NCAM2: variants seen among roughly 807,000 people sequenced by gnomAD.
NCAM2 encodes N-CAM-2.
Under a neutral mutation model 98.1 loss-of-function variants are expected in NCAM2, and 30 were observed. That is an observed-to-expected ratio of 0.31 (90% CI 0.23 to 0.41). The LOEUF (loss-of-function observed/expected upper bound fraction) is 0.41. Among genes scored for constraint, NCAM2 ranks in the 10% least tolerant of loss-of-function variants. The pLI, the probability that NCAM2 is intolerant of heterozygous loss-of-function variation, is 1.00. For missense variants in NCAM2, 867 were observed against 1,005.8 expected (o/e 0.86, Z 1.87); for synonymous variants, 368 against 342.4 (o/e 1.07, Z -0.83).
intron 1 of NCAM2, among the ~76,000 whole-genome samples, chr21:21,184,550 T>TA (rs765460728): frequency 2.6e-5 from 4 of 152,112 alleles, no homozygotes; most frequent in Non-Finnish European, 5.9e-5. Context: ...TGGGCATGAA[T>TA]ACATATTGTT....
intron 1 of NCAM2, among the ~76,000 whole-genome samples, chr21:21,208,470 A>C (rs774992575): frequency 2.0e-5 from 3 of 152,162 alleles, no homozygotes; most frequent in African/African-American, 7.2e-5. Flanking sequence ...ACATCTACAA[A>C]ATGTCATAAT....
chr21:21,058,933 C>T (rs138598504), intron 1 of NCAM2, among the ~76,000 whole-genome samples: 9 of 152,120 alleles, frequency 5.9e-5, no homozygotes, highest in South Asian at 2.1e-4. Flanking sequence ...GGACTATCCA[C>T]GATCATCAGT....
chr21:21,376,277 G>A (rs778031634), intron 9 of NCAM2, among the ~76,000 whole-genome samples: 5 of 151,716 alleles, frequency 3.3e-5, no homozygotes, highest in African/African-American at 9.7e-5. Context: ...AATGAAAACC[G>A]AAATTAAGAT....
rs117281090 is a variant in NCAM2, at chr21:21,515,794, C to T, written c.2282+6739C>T. Among the ~76,000 whole-genome samples the T allele has an allele frequency of 5.5e-3, 836 of 152,170 alleles. 17 individuals carry two copies. The highest frequency in any genetic ancestry group is 0.024 in the South Asian group (117 of 4,818). On this transcript the variant is annotated intron_variant, in intron 16 of 17. Transcript: ENST00000400546. Reference sequence around the variant, plus strand: ...ACCCGTGTAAAGTACTGTATAATGACCACACTTAGCTAGAATTAACTGTTG... The same window carrying T: ...ACCCGTGTAAAGTACTGTATAATGATCACACTTAGCTAGAATTAACTGTTG...
chr21:21,147,065 T>C, intron 1 of NCAM2: 1 of 964,224 alleles, frequency 1.0e-6, no homozygotes, highest in Non-Finnish European at 1.2e-6. Context: ...TGCCTTCTAC[T>C]CCGGAACTGA....
intron 1 of NCAM2, among the ~76,000 whole-genome samples, chr21:21,280,365 A>C (rs2072884504): frequency 6.6e-6 from 1 of 152,202 alleles, no homozygotes; most frequent in African/African-American, 2.4e-5. Context: ...CAGCTTGAAG[A>C]AGTGCTGTAT....
chr21:21,001,733 A>G (rs2064022138), intron 1 of NCAM2, among the ~76,000 whole-genome samples: 1 of 152,214 alleles, frequency 6.6e-6, no homozygotes, highest in Non-Finnish European at 1.5e-5. Flanking sequence ...GAATAATGCT[A>G]TTCATCTCTC....
Position 21,291,479 on chromosome 21 carries a change from GCA to G in NCAM2, c.482-606_482-605del, listed in dbSNP as rs140253595. 1.9e-4 allele frequency among the ~76,000 whole-genome samples: 28 copies of G among 147,798 alleles called. 1 individual carries two copies. Among genetic ancestry groups the G allele is most frequent in the South Asian group, 1.3e-3 (6 of 4,670 alleles). ...AGCTTATTTTTTTATATATGCATGTGCACACACACACACACACACAAATGGAA... is the reference window on the plus strand; with the variant it reads ...AGCTTATTTTTTTATATATGCATGTGCACACACACACACACACAAATGGAA... On this transcript the variant is annotated intron_variant, in intron 4 of 17. Coordinates refer to ENST00000400546, the MANE Select transcript of NCAM2 (RefSeq NM_004540.5).
intron 15 of NCAM2, among the ~76,000 whole-genome samples, chr21:21,488,570 A>G (rs1189127780): frequency 6.6e-6 from 1 of 152,034 alleles, no homozygotes; most frequent in Admixed American, 6.6e-5. Flanking sequence ...ATAATTCAAG[A>G]TGGATACTGA....
chr21:21,378,965 GT>G (rs986146859), intron 9 of NCAM2, among the ~76,000 whole-genome samples: 12 of 151,814 alleles, frequency 7.9e-5, no homozygotes, highest in Non-Finnish European at 1.6e-4. Context: ...TACGGTTCGT[GT>G]TTTTTCTGAA....
At chr21:21,085,218 T>C (rs939479208) in intron 1 of NCAM2, among the ~76,000 whole-genome samples, 5 of 151,900 alleles carry the variant, frequency 3.3e-5, no homozygotes, top group Non-Finnish European at 7.4e-5. Flanking sequence ...TTTTTAATTA[T>C]AAAGAATGGA....
chr21:21,153,027 C>T (rs1468455352), intron 1 of NCAM2, among the ~76,000 whole-genome samples: 1 of 151,836 alleles, frequency 6.6e-6, no homozygotes, highest in African/African-American at 2.4e-5. Flanking sequence ...TAGTTTTTCC[C>T]CCTTCTCTCA....
chr21:21,515,071 A>G (rs1413020460), intron 16 of NCAM2, among the ~76,000 whole-genome samples: 1 of 152,240 alleles, frequency 6.6e-6, no homozygotes, highest in East Asian at 1.9e-4. Context: ...TTGGGAGTGC[A>G]TTAATTTTGC....
intron 4 of NCAM2, among the ~76,000 whole-genome samples, chr21:21,286,692 T>TA (rs934467287): frequency 2.0e-5 from 3 of 151,322 alleles, no homozygotes; most frequent in African/African-American, 7.3e-5. Flanking sequence ...AAGCTGTGGC[T>TA]AAAAAAAATA....
chr21:21,237,499 G>GA (rs1016356424), intron 1 of NCAM2, among the ~76,000 whole-genome samples: 2 of 151,920 alleles, frequency 1.3e-5, no homozygotes, highest in African/African-American at 4.8e-5. Context: ...GAATTAGGAG[G>GA]AAAAAATGTT....
intron 16 of NCAM2, among the ~76,000 whole-genome samples, chr21:21,530,239 TTAAATTAATTATATA>T (rs1989582145): frequency 1.3e-5 from 1 of 78,178 alleles, no homozygotes; most frequent in African/African-American, 4.6e-5. Flanking sequence ...TATATTTAAT[TTAAATTAATTATATA>T]TAATTTAATT....
chr21:21,007,411 A>G (rs1341160659), intron 1 of NCAM2, among the ~76,000 whole-genome samples: 6 of 152,180 alleles, frequency 3.9e-5, no homozygotes, highest in Non-Finnish European at 7.3e-5. Context: ...CAACTTTATT[A>G]GGAAAGTAAA....
intron 1 of NCAM2, among the ~76,000 whole-genome samples, chr21:21,076,153 A>G (rs1037833243): frequency 5.3e-5 from 8 of 151,820 alleles, no homozygotes; most frequent in Admixed American, 4.6e-4. Context: ...AAAAATCAGC[A>G]TTTTCAAAAG....
intron 13 of NCAM2, among the ~76,000 whole-genome samples, chr21:21,467,523 G>C (rs576423541): frequency 6.6e-6 from 1 of 151,098 alleles, no homozygotes; most frequent in East Asian, 1.9e-4. Flanking sequence ...TGTCAGGTAA[G>C]TTTCTTTTCT....
Sources: allele counts gnomAD v4.1 joint callset (sites outside exome capture counted in the v4.1 genomes callset), GRCh38; gene constraint gnomAD v4.1.1; transcripts MANE v1.5; gene names NCBI Gene and HGNC (gene_info 2026-07-23, HGNC 2026-07-21).